USP8: variants seen among roughly 807,000 people sequenced by gnomAD.
The protein encoded by USP8 is ubiquitin specific peptidase 8.
Under a neutral mutation model 130.0 loss-of-function variants are expected in USP8, and 27 were observed. The ratio of observed to expected loss-of-function variants is 0.21; its 90% confidence interval spans 0.15 to 0.29. The LOEUF is 0.29. Ranked by LOEUF, USP8 falls within the 10% of genes least tolerant of loss-of-function variation. USP8 has a pLI of 1.00. For missense variants in USP8, 1,029 were observed against 1,312.2 expected (o/e 0.78, Z 3.33); for synonymous variants, 392 against 444.1 (o/e 0.88, Z 1.48).
intron 1 of USP8, among the ~76,000 whole-genome samples, chr15:50,431,995 G>A (rs1050221546): frequency 3.9e-5 from 6 of 152,132 alleles, no homozygotes; most frequent in African/African-American, 1.4e-4. Context: ...GCTAAATTCT[G>A]TCCTCAAGGC....
At chr15:50,494,557 TAAAC>T (rs1439461130) in intron 16 of USP8, among the ~76,000 whole-genome samples, 3 of 152,382 alleles carry the variant, frequency 2.0e-5, no homozygotes, top group Non-Finnish European at 2.9e-5. Context: ...AGTAAAATCA[TAAAC>T]AAATGATCTT....
intron 1 of USP8, among the ~76,000 whole-genome samples, chr15:50,435,859 C>A (rs925805977): frequency 1.1e-4 from 17 of 152,172 alleles, no homozygotes; most frequent in African/African-American, 3.4e-4. Flanking sequence ...TTCCTAAAAT[C>A]TTTGGTGACA....
At chr15:50,427,194 C>T (rs1222190551) in intron 1 of USP8, among the ~76,000 whole-genome samples, 1 of 152,078 alleles carries the variant, frequency 6.6e-6, no homozygotes, top group African/African-American at 2.4e-5. Context: ...CCTCAACCTC[C>T]GAAAGTGCTG....
At chr15:50,466,861 G>C (rs557228255) in intron 7 of USP8, 94 of 384,468 alleles carry the variant, frequency 2.4e-4, no homozygotes, top group South Asian at 2.0e-3. Context: ...GACTTGATCA[G>C]AGGAGCAAAG....
At chr15:50,439,287 A>G in intron 2 of USP8, 110 bp downstream of exon 2, 2 of 694,628 alleles carry the variant, frequency 2.9e-6, no homozygotes, top group Non-Finnish European at 4.6e-6. Context: ...ACACCATCAC[A>G]CGAATAAAGT....
intron 3 of USP8, 77 bp downstream of exon 3, chr15:50,441,570 A>C (rs1229717705): frequency 3.1e-6 from 4 of 1,295,766 alleles, no homozygotes; most frequent in African/African-American, 3.0e-5. Flanking sequence ...TAAAAATTTT[A>C]AGTAATAATG....
chr15:50,509,132 C>CAAAAAAAAAAAAAA lies in USP8; in HGVS notation c.*10060_*10073dup, dbSNP rs57125859. 4.8e-5 allele frequency: 2 copies of CAAAAAAAAAAAAAA among 41,376 alleles called. No individual in the cohort carries two copies. The highest frequency in any genetic ancestry group is 1.2e-3 in the East Asian group (1 of 856). The allele number at this position is 41,376 out of a possible 1,614,324, so 2.6% of individuals were successfully genotyped here. On this transcript the variant is annotated 3_prime_UTR_variant, in exon 20 of 20. Coordinates refer to ENST00000307179, the MANE Select transcript of USP8 (RefSeq NM_005154.5). ...TGGGCGACAGAGCGAGACTCCGTCA[C>CAAAAAAAAAAAAAA]AAAAAAAAAAAAAAAAAAAAAAAAA...
chr15:50,449,341 C>G, intron 3 of USP8, 59 bp from the exon 4 acceptor site: 3 of 1,073,072 alleles, frequency 2.8e-6, no homozygotes, highest in Non-Finnish European at 4.0e-6. Flanking sequence ...GATTTTAACA[C>G]TAGTGTCACA....
At chr15:50,439,732 G>A (rs1445771244) in intron 2 of USP8, among the ~76,000 whole-genome samples, 2 of 151,320 alleles carry the variant, frequency 1.3e-5, no homozygotes, top group Non-Finnish European at 2.9e-5. Flanking sequence ...GGAGGTTTCG[G>A]TGAGCCGAGA....
At chr15:50,433,852 G>A (rs540109502) in intron 1 of USP8, among the ~76,000 whole-genome samples, 40 of 152,234 alleles carry the variant, frequency 2.6e-4, no homozygotes, top group East Asian at 9.7e-4. Flanking sequence ...TGATCCGCCC[G>A]CCTTGGCCTC....
At chr15:50,430,709 C>T (rs1186527213) in intron 1 of USP8, among the ~76,000 whole-genome samples, 3 of 152,064 alleles carry the variant, frequency 2.0e-5, no homozygotes, top group African/African-American at 7.2e-5. Flanking sequence ...AACATTGATG[C>T]CTTATTAGTT....
At chr15:50,433,826 T>A (rs62019074) in intron 1 of USP8, among the ~76,000 whole-genome samples, 6 of 152,036 alleles carry the variant, frequency 3.9e-5, no homozygotes, top group Non-Finnish European at 8.8e-5. Flanking sequence ...AGGATGGTCT[T>A]GATCTCCTGA....
chr15:50,499,680 A>ATT lies in USP8; in HGVS notation c.*592_*593insTT, dbSNP rs2052542805. 6.6e-6 allele frequency: 1 copy of ATT among 152,058 alleles called. No homozygotes were observed. The highest frequency in any genetic ancestry group is 1.5e-5 in the Non-Finnish European group (1 of 67,994). The allele number at this position is 152,058 out of a possible 1,614,324, so 9.4% of individuals were successfully genotyped here. A position where few individuals can be genotyped will look rare whatever the true frequency, so the allele number is the denominator to read the frequency against. Reference sequence around the variant, plus strand: ...TGTTGGCTTTGGGCTGTATTTGTGCACTAAATCTTTATTCTAAAAAAAAAA... The same window carrying ATT: ...TGTTGGCTTTGGGCTGTATTTGTGCATTCTAAATCTTTATTCTAAAAAAAAAA... On this transcript the variant is annotated 3_prime_UTR_variant, in exon 20 of 20. Transcript: ENST00000307179.
chr15:50,453,860 CTTT>C (rs71124355), intron 4 of USP8, among the ~76,000 whole-genome samples: 4 of 86,960 alleles, frequency 4.6e-5, no homozygotes, highest in East Asian at 7.5e-4. Context: ...TGGGAATATT[CTTT>C]TTTTTTTTTT....
chr15:50,427,949 C>T (rs948057373), intron 1 of USP8, among the ~76,000 whole-genome samples: 2 of 151,676 alleles, frequency 1.3e-5, no homozygotes, highest in African/African-American at 4.8e-5. Flanking sequence ...CCTCTGCTTC[C>T]TGGGCTCAAG....
In USP8 at chr15:50,504,188, G is replaced by A. The variant is rs1459773898; in HGVS notation, c.*5100G>A. On this transcript the variant is annotated 3_prime_UTR_variant, in exon 20 of 20. Transcript: ENST00000307179. ...TATTAGATATTATAAGTAATCCAGA[G>A]ATGACTTAAAGTATATGGGAGGATG... 6.6e-6 allele frequency: 1 copy of A among 152,106 alleles called. No individual in the cohort carries two copies. The highest frequency in any genetic ancestry group is 2.4e-5 in the African/African-American group (1 of 41,412). 9.4% of individuals were successfully genotyped at this position (152,106 alleles called of 1,614,324 possible). A position where few individuals can be genotyped will look rare whatever the true frequency, so the allele number is the denominator to read the frequency against.
At chr15:50,445,166 A>G (rs1371601799) in intron 3 of USP8, among the ~76,000 whole-genome samples, 1 of 151,824 alleles carries the variant, frequency 6.6e-6, no homozygotes, top group African/African-American at 2.4e-5. Context: ...TCTATTTTTT[A>G]CCCTTTAGAT....
At chr15:50,448,686 G>A (rs1179987480) in intron 3 of USP8, among the ~76,000 whole-genome samples, 1 of 151,804 alleles carries the variant, frequency 6.6e-6, no homozygotes, top group East Asian at 1.9e-4. Flanking sequence ...CACCCAGCTG[G>A]TTTTTCTATT....
chr15:50,476,794 T>C (rs2051581335), intron 8 of USP8, 55 bp from the exon 9 acceptor site: 1 of 1,491,328 alleles, frequency 6.7e-7, no homozygotes, highest in African/African-American at 1.4e-5. Context: ...TTTGTTGTGT[T>C]TTTAGCTGTT....
Sources: gnomAD v4.1 joint callset for allele counts (sites outside exome capture counted in the v4.1 genomes callset) on GRCh38, gnomAD v4.1.1 for gene constraint, MANE v1.5 for transcripts, NCBI Gene and HGNC (gene_info 2026-07-23, HGNC 2026-07-21) for gene names.